NKAIN3: variants seen among roughly 807,000 people sequenced by gnomAD.
NKAIN3 encodes sodium/potassium-transporting ATPase subunit beta-1-interacting protein 3.
NKAIN3 carries 25 observed loss-of-function variants against 30.2 expected under a neutral mutation model. The ratio of observed to expected loss-of-function variants is 0.83; its 90% CI spans 0.60 to 1.16. The LOEUF is 1.16. Ranked by LOEUF, NKAIN3 falls within the 50% of genes most tolerant of loss-of-function variation. The probability of loss-of-function intolerance (pLI) is 0.00; values close to 1 mark genes in which losing one functional copy is unlikely to be tolerated. For synonymous variants in NKAIN3, 91 were observed against 89.6 expected (o/e 1.02, Z -0.09); for missense variants, 225 against 254.1 (o/e 0.89, Z 0.78).
At chr8:62,290,621 G>A (rs960912860) in intron 1 of NKAIN3, among the ~76,000 whole-genome samples, 2 of 152,138 alleles carry the variant, frequency 1.3e-5, no homozygotes, top group African/African-American at 4.8e-5. Context: ...GCTTTTTGAT[G>A]TGCTGCTGGA....
At chr8:62,660,210 C>G (rs902257563) in intron 3 of NKAIN3, among the ~76,000 whole-genome samples, 5 of 152,192 alleles carry the variant, frequency 3.3e-5, no homozygotes, top group African/African-American at 4.8e-5. Context: ...AGTTCCAGCA[C>G]TAACGATGAG....
At chr8:62,572,377 A>G (rs1809972439) in intron 1 of NKAIN3, among the ~76,000 whole-genome samples, 1 of 152,204 alleles carries the variant, frequency 6.6e-6, no homozygotes, top group Non-Finnish European at 1.5e-5. Context: ...AAGACATTCA[A>G]CAAGTCTCTA....
At chr8:62,605,801 T>C (rs1467544999) in intron 3 of NKAIN3, among the ~76,000 whole-genome samples, 1 of 152,070 alleles carries the variant, frequency 6.6e-6, no homozygotes, top group Non-Finnish European at 1.5e-5. Flanking sequence ...GATTTTGGTG[T>C]CTGCAGGGGG....
intron 1 of NKAIN3, among the ~76,000 whole-genome samples, chr8:62,352,521 T>C (rs2129591856): frequency 6.6e-6 from 1 of 152,272 alleles, no homozygotes; most frequent in Middle Eastern, 3.4e-3. Flanking sequence ...GGCTCTGCAA[T>C]GCATGAGCCA....
chr8:62,747,770 A>C (rs2130585746), intron 4 of NKAIN3, among the ~76,000 whole-genome samples: 1 of 152,336 alleles, frequency 6.6e-6, no homozygotes, highest in East Asian at 1.9e-4. Context: ...GATGTATAAC[A>C]TCATCAAGAA....
intron 1 of NKAIN3, among the ~76,000 whole-genome samples, chr8:62,472,390 A>G (rs1806381465): frequency 6.6e-6 from 1 of 152,190 alleles, no homozygotes; most frequent in Admixed American, 6.5e-5. Flanking sequence ...GCAAGATACC[A>G]ATCTTTCTGA....
chr8:62,388,555 C>T (rs920306550), intron 1 of NKAIN3, among the ~76,000 whole-genome samples: 3 of 152,226 alleles, frequency 2.0e-5, no homozygotes, highest in African/African-American at 7.2e-5. Flanking sequence ...TAATTGGCTA[C>T]TTTTATCAAA....
At chr8:62,435,125 C>G (rs988362436) in intron 1 of NKAIN3, among the ~76,000 whole-genome samples, 2 of 152,088 alleles carry the variant, frequency 1.3e-5, no homozygotes, top group African/African-American at 4.8e-5. Context: ...AGCGCTGACA[C>G]CTCTAGCTGA....
chr8:62,783,949 A>G, intron 4 of NKAIN3, among the ~76,000 whole-genome samples: 1 of 151,990 alleles, frequency 6.6e-6, no homozygotes, highest in Non-Finnish European at 1.5e-5. Context: ...CTGGCCCAGA[A>G]TACACATTTT....
At chr8:62,774,402 T>C (rs1817119755) in intron 4 of NKAIN3, among the ~76,000 whole-genome samples, 1 of 152,222 alleles carries the variant, frequency 6.6e-6, no homozygotes, top group African/African-American at 2.4e-5. Flanking sequence ...TTTATTTCTT[T>C]CTCTTGTCTG....
At chr8:62,996,341 A>T (rs1202170055) in intron 5 of NKAIN3, among the ~76,000 whole-genome samples, 1 of 150,572 alleles carries the variant, frequency 6.6e-6, no homozygotes, top group Non-Finnish European at 1.5e-5. Flanking sequence ...GAGCTCCCTC[A>T]CTATCATGAG....
At position 62,314,941 on chromosome 8, in the gene NKAIN3, A is replaced by T. The variant is rs6472008; in HGVS notation, c.54+65814A>T. ...TAAATCTTGAGAGCTCTGATTGTGGAAGTTGCAGGTGAGATGATTTGTCCA... is the reference window on the plus strand; with the variant it reads ...TAAATCTTGAGAGCTCTGATTGTGGTAGTTGCAGGTGAGATGATTTGTCCA... On this transcript the variant is annotated intron_variant, in intron 1 of 6. Coordinates refer to ENST00000623646, the MANE Select transcript of NKAIN3 (RefSeq NM_001304533.3). Among the ~76,000 whole-genome samples the T allele has an allele frequency of 4.7e-3, 713 of 152,236 alleles. 8 individuals are homozygous for T. The highest frequency in any genetic ancestry group is 0.017 in the African/African-American group (690 of 41,548).
intron 3 of NKAIN3, among the ~76,000 whole-genome samples, chr8:62,713,664 T>C (rs1304580259): frequency 6.6e-6 from 1 of 152,190 alleles, no homozygotes; most frequent in Non-Finnish European, 1.5e-5. Flanking sequence ...TCAATAAATT[T>C]TTATATATTG....
intron 3 of NKAIN3, among the ~76,000 whole-genome samples, chr8:62,598,060 A>G (rs1357167345): frequency 6.6e-6 from 1 of 152,094 alleles, no homozygotes; most frequent in Non-Finnish European, 1.5e-5. Context: ...ATTCTTGGGT[A>G]TCACTTGACA....
At chr8:62,425,639 T>C (rs1804783135) in intron 1 of NKAIN3, among the ~76,000 whole-genome samples, 1 of 151,974 alleles carries the variant, frequency 6.6e-6, no homozygotes, top group African/African-American at 2.4e-5. Flanking sequence ...TTAGTTGTAG[T>C]TCCTGATGGG....
At chr8:62,528,113 C>A (rs942270215) in intron 1 of NKAIN3, among the ~76,000 whole-genome samples, 1 of 150,420 alleles carries the variant, frequency 6.6e-6, no homozygotes, top group East Asian at 1.9e-4. Context: ...CCAGTTCAGG[C>A]GGTGATGAGG....
chr8:62,724,346 A>C (rs1815190573), intron 3 of NKAIN3, among the ~76,000 whole-genome samples: 1 of 152,066 alleles, frequency 6.6e-6, no homozygotes, highest in Non-Finnish European at 1.5e-5. Flanking sequence ...AGTAAATGAG[A>C]TATCCATCAC....
At chr8:62,952,540 C>A (rs188121746) in intron 5 of NKAIN3, among the ~76,000 whole-genome samples, 3 of 152,272 alleles carry the variant, frequency 2.0e-5, no homozygotes, top group African/African-American at 7.2e-5. Flanking sequence ...CTGACTATTT[C>A]GACCTTTGAA....
At chr8:62,610,016 A>G (rs1339593660) in intron 3 of NKAIN3, among the ~76,000 whole-genome samples, 1 of 152,104 alleles carries the variant, frequency 6.6e-6, no homozygotes, top group Admixed American at 6.5e-5. Flanking sequence ...AGTGAAAGTA[A>G]GATGACCCAC....
Sources: gnomAD v4.1 joint callset for allele counts (sites outside exome capture counted in the v4.1 genomes callset) on GRCh38, gnomAD v4.1.1 for gene constraint, MANE v1.5 for transcripts, NCBI Gene and HGNC (gene_info 2026-07-23, HGNC 2026-07-21) for gene names.